CNOT10: variants seen among roughly 807,000 people sequenced by gnomAD.
CNOT10 encodes the protein CCR4-NOT transcription complex, subunit 10.
In CNOT10, 30 loss-of-function variants were observed where a neutral mutation model predicts 94.6. That is an observed-to-expected ratio of 0.32 (90% CI 0.24 to 0.43). The LOEUF is 0.43. Among genes scored for constraint, CNOT10 ranks in the 20% least tolerant of loss-of-function variants. The pLI is 1.00. For missense variants in CNOT10, 759 were observed against 877.2 expected (o/e 0.87, Z 1.70); for synonymous variants, 289 against 301.6 (o/e 0.96, Z 0.43).
At chr3:32,731,507 A>C (rs1027538340) in intron 10 of CNOT10, among the ~76,000 whole-genome samples, 1 of 151,954 alleles carries the variant, frequency 6.6e-6, no homozygotes, top group African/African-American at 2.4e-5. Context: ...ACAGAGTCTC[A>C]CTCTTCACTC....
At chr3:32,756,587 G>C (rs961631883) in intron 13 of CNOT10, among the ~76,000 whole-genome samples, 2 of 152,200 alleles carry the variant, frequency 1.3e-5, no homozygotes, top group African/African-American at 4.8e-5. Flanking sequence ...ATTTGTGGGA[G>C]CTGGAAAAGA....
intron 18 of CNOT10, 46 bp from the exon 19 acceptor site, chr3:32,773,411 C>T (rs2125656908): frequency 3.9e-6 from 6 of 1,550,794 alleles, no homozygotes; most frequent in Non-Finnish European, 5.2e-6. Context: ...TTGTGTGTGG[C>T]AGTATTGTTC....
chr3:32,770,471 G>C (rs1186321898), intron 18 of CNOT10, among the ~76,000 whole-genome samples: 1 of 150,308 alleles, frequency 6.7e-6, no homozygotes, highest in Non-Finnish European at 1.5e-5. Context: ...GACTACAGGC[G>C]CCCGCCACCA....
At chr3:32,692,473 A>G (rs1165034111) in intron 1 of CNOT10, among the ~76,000 whole-genome samples, 2 of 152,118 alleles carry the variant, frequency 1.3e-5, no homozygotes, top group Non-Finnish European at 2.9e-5. Flanking sequence ...TTTTTGAGAA[A>G]CTTTGTAGGT....
rs572900829 is a variant in CNOT10 at position 32,771,199 on chromosome 3, C to T, written c.2080+1237C>T. On this transcript the variant is annotated intron_variant, in intron 18 of 18. Coordinates refer to ENST00000328834, the MANE Select transcript of CNOT10 (RefSeq NM_015442.3). ...AAAATTAGCTGGGTGTGGTGGTGTG[C>T]GCCTGTAGTTCCAGCTACTGGGAAG... Among the ~76,000 whole-genome samples the T allele has an allele frequency of 9.2e-5, 14 of 151,930 alleles. No individual in the cohort carries two copies. In the South Asian group the frequency reaches 1.7e-3, roughly 18 times the overall value.
At chr3:32,713,684 G>C (rs1362815564) in intron 5 of CNOT10, among the ~76,000 whole-genome samples, 1 of 152,122 alleles carries the variant, frequency 6.6e-6, no homozygotes, top group Non-Finnish European at 1.5e-5. Context: ...GCCCCAAGCA[G>C]CCGTTAATCT....
intron 16 of CNOT10, 89 bp downstream of exon 16, chr3:32,764,579 G>A (rs1700587096): frequency 6.2e-7 from 1 of 1,602,528 alleles, no homozygotes; most frequent in African/African-American, 1.3e-5. Context: ...TTTTCTGCCT[G>A]AGGAATACTG....
intron 8 of CNOT10, among the ~76,000 whole-genome samples, chr3:32,724,549 A>T (rs1303808093): frequency 1.3e-5 from 2 of 151,610 alleles, no homozygotes; most frequent in Non-Finnish European, 2.9e-5. Flanking sequence ...AGTAGCTGGG[A>T]CTACACGCGC....
intron 13 of CNOT10, among the ~76,000 whole-genome samples, chr3:32,754,773 C>T (rs1302699316): frequency 1.3e-5 from 2 of 149,448 alleles, no homozygotes; most frequent in Non-Finnish European, 3.0e-5. Context: ...CAGCCTGCCT[C>T]GGCCTCCCAT....
Position 32,749,192 on chromosome 3 carries a change from G to C in CNOT10, c.1596-10266G>C, listed in dbSNP as rs145478073. 6.6e-5 allele frequency among the ~76,000 whole-genome samples: 10 copies of C among 152,170 alleles called. No individual in the cohort carries two copies. In the East Asian group the frequency reaches 1.9e-3, roughly 29 times the overall value. ...TGTAGTTATTTTCTCACATTCTGAG[G>C]GTTGTCTTTTCACTTTTTTGAAGGT... On this transcript the variant is annotated intron_variant, in intron 13 of 18. Coordinates refer to ENST00000328834, the MANE Select transcript of CNOT10 (RefSeq NM_015442.3).
chr3:32,707,827 G>T (rs554300418), intron 3 of CNOT10, among the ~76,000 whole-genome samples: 45 of 152,208 alleles, frequency 3.0e-4, no homozygotes, highest in Non-Finnish European at 2.2e-4. Context: ...CTTGAGGTAT[G>T]GTGAGGATTA....
Position 32,685,361 on chromosome 3 carries a change from G to A in CNOT10, c.-100G>A. 1.4e-6 allele frequency: 2 copies of A among 1,409,790 alleles called. No homozygotes were observed. Among genetic ancestry groups the A allele is most frequent in the East Asian group, 2.5e-5 (1 of 39,960 alleles). The allele number at this position is 1,409,790 out of a possible 1,614,324, so 87.3% of individuals were successfully genotyped here. The stretch of plus-strand genomic sequence containing the variant: ...AACCTGGGGGCCCGGAGCCGGGGTA[G>A]GCACAGAGTTGTCCTCGGAGGTCCA... On this transcript the variant is annotated 5_prime_UTR_variant, in exon 1 of 19. Transcript: ENST00000328834.
chr3:32,717,723 G>A (rs555142651), intron 7 of CNOT10, among the ~76,000 whole-genome samples: 14 of 152,122 alleles, frequency 9.2e-5, no homozygotes, highest in Middle Eastern at 6.8e-3. Context: ...AAAATAAGCC[G>A]GGTGTGGTGG....
chr3:32,739,626 A>AC (rs1242472683), intron 13 of CNOT10, among the ~76,000 whole-genome samples: 1 of 151,968 alleles, frequency 6.6e-6, no homozygotes, highest in African/African-American at 2.4e-5. Context: ...GTCTCTAAAA[A>AC]AATCAAAAAA....
intron 13 of CNOT10, chr3:32,752,934 G>A: frequency 2.4e-6 from 1 of 420,534 alleles, no homozygotes; most frequent in Non-Finnish European, 4.6e-6. Flanking sequence ...AGCAGGACCT[G>A]CAACTTCCCA....
chr3:32,695,759 C>G, intron 1 of CNOT10: 1 of 1,535,846 alleles, frequency 6.5e-7, no homozygotes, highest in South Asian at 1.2e-5. Flanking sequence ...TATACTCTTT[C>G]AATTGGCAAC....
intron 3 of CNOT10, among the ~76,000 whole-genome samples, chr3:32,705,217 G>C (rs939036974): frequency 3.9e-5 from 6 of 152,058 alleles, no homozygotes; most frequent in African/African-American, 1.5e-4. Context: ...ATTTGAATGA[G>C]CTTTGGAGTT....
At chr3:32,756,323 C>T (rs1700221663) in intron 13 of CNOT10, among the ~76,000 whole-genome samples, 1 of 152,136 alleles carries the variant, frequency 6.6e-6, no homozygotes, top group Non-Finnish European at 1.5e-5. Flanking sequence ...GTCTTTTACC[C>T]TGTTTTGATT....
At chr3:32,763,003 A>G in intron 15 of CNOT10, 140 bp downstream of exon 15, 1 of 796,852 alleles carries the variant, frequency 1.3e-6, no homozygotes, top group African/African-American at 1.8e-5. Flanking sequence ...GTCTGTACTT[A>G]CTTTGTAGCA....
Sources: gnomAD v4.1 joint callset for allele counts (sites outside exome capture counted in the v4.1 genomes callset) on GRCh38, gnomAD v4.1.1 for gene constraint, MANE v1.5 for transcripts, NCBI Gene and HGNC (gene_info 2026-07-23, HGNC 2026-07-21) for gene names.